Variants in MMP20 observed in about 807,000 individuals in gnomAD.
The protein encoded by MMP20 is matrix metalloproteinase-20.
Under a neutral mutation model 51.8 loss-of-function variants are expected in MMP20, and 50 were observed. The ratio of observed to expected loss-of-function variants is 0.97; its 90% CI spans 0.77 to 1.22. The LOEUF (loss-of-function observed/expected upper bound fraction) is 1.22, where lower values mean the gene tolerates loss of function less well. Among genes scored for constraint, MMP20 ranks in the 50% most tolerant of loss-of-function variants. The pLI is 0.00. For synonymous variants in MMP20, 244 were observed against 216.2 expected, an observed-to-expected ratio of 1.13 and a Z score of -1.13; for missense variants, 663 against 601.4, an observed-to-expected ratio of 1.10 and a Z score of -1.07.
chr11:102,608,603 G>A (rs1216683953), intron 5 of MMP20, among the ~76,000 whole-genome samples: 3 of 152,144 alleles, frequency 2.0e-5, no homozygotes, highest in Admixed American at 6.5e-5. Flanking sequence ...ATCTGCAAAT[G>A]GGTAAGCACC....
intron 8 of MMP20, among the ~76,000 whole-genome samples, chr11:102,593,062 A>G (rs1269366332): frequency 6.6e-6 from 1 of 152,196 alleles, no homozygotes; most frequent in African/African-American, 2.4e-5. Context: ...GCCCCAAATC[A>G]TGGAGTATTG....
intron 5 of MMP20, chr11:102,608,042 G>C (rs1030119927): frequency 1.3e-5 from 2 of 152,168 alleles, no homozygotes; most frequent in Non-Finnish European, 2.9e-5. Flanking sequence ...TTTGAATGGT[G>C]TGCCCATTTC....
chr11:102,589,146 A>G lies in MMP20; in HGVS notation c.1247+4293T>C, dbSNP rs553587164. On this transcript the variant is annotated intron_variant, in intron 8 of 9. Coordinates refer to ENST00000260228, the MANE Select transcript of MMP20 (RefSeq NM_004771.4). ...TGGGCCATCGTTCTGATTTTAGTCT[A>G]TATTCTAGTCATACTGAACTGTTTG... Among the ~76,000 whole-genome samples the G allele has an allele frequency of 4.6e-5, 7 of 152,208 alleles. No individual in the cohort carries two copies. The South Asian group carries it at 1.0e-3, about 23-fold the overall frequency.
intron 1 of MMP20, among the ~76,000 whole-genome samples, chr11:102,620,898 G>T (rs927856695): frequency 2.0e-4 from 31 of 152,208 alleles, no homozygotes; most frequent in Non-Finnish European, 4.6e-4. Flanking sequence ...TCCTCAGGGA[G>T]GGGGTGAGGG....
chr11:102,587,004 G>A (rs1350665843), intron 8 of MMP20, among the ~76,000 whole-genome samples: 3 of 151,882 alleles, frequency 2.0e-5, no homozygotes, highest in Admixed American at 6.6e-5. Flanking sequence ...GGTTTAATAT[G>A]TTCTTGATTT....
At chr11:102,593,672 G>A (rs1784269759) in intron 7 of MMP20, 77 bp from the exon 8 acceptor site, 3 of 1,520,506 alleles carry the variant, frequency 2.0e-6, no homozygotes, top group Admixed American at 1.7e-5. Flanking sequence ...TTTCTATGAA[G>A]GCTCTTAAAT....
chr11:102,598,060 C>T (rs2135935942), intron 6 of MMP20, among the ~76,000 whole-genome samples: 1 of 152,240 alleles, frequency 6.6e-6, no homozygotes, highest in East Asian at 1.9e-4. Flanking sequence ...GACACCATGC[C>T]TGGCCAAATT....
At chr11:102,623,150 T>A (rs2701964) in intron 1 of MMP20, among the ~76,000 whole-genome samples, 98,384 of 152,030 alleles carry the variant, frequency 0.65, 32,000 homozygotes, top group East Asian at 0.83. Context: ...AAGGAATCAC[T>A]AAAGGTCCCC....
At chr11:102,595,766 A>T (rs1859373771) in intron 6 of MMP20, among the ~76,000 whole-genome samples, 1 of 152,208 alleles carries the variant, frequency 6.6e-6, no homozygotes, top group African/African-American at 2.4e-5. Context: ...TATACCCATG[A>T]GGGTACTGGA....
chr11:102,610,656 A>C (rs545300765), intron 3 of MMP20, among the ~76,000 whole-genome samples: 1 of 152,218 alleles, frequency 6.6e-6, no homozygotes, highest in South Asian at 2.1e-4. Context: ...TATTTTAACT[A>C]ACAATTCATT....
intron 8 of MMP20, among the ~76,000 whole-genome samples, chr11:102,580,975 AT>A (rs1859185854): frequency 6.6e-6 from 1 of 152,172 alleles, no homozygotes; most frequent in African/African-American, 2.4e-5. Flanking sequence ...GTGGACAGAT[AT>A]TTAAGGATTT....
At chr11:102,598,595 C>T (rs1859410182) in intron 6 of MMP20, among the ~76,000 whole-genome samples, 1 of 152,186 alleles carries the variant, frequency 6.6e-6, no homozygotes, top group South Asian at 2.1e-4. Context: ...TTCACTTTTA[C>T]CAAAGAACAG....
chr11:102,614,087 G>A (rs1859637308), intron 2 of MMP20, among the ~76,000 whole-genome samples: 2 of 152,200 alleles, frequency 1.3e-5, no homozygotes, highest in Admixed American at 6.5e-5. Context: ...TGCTGTTGCT[G>A]TATGCACTTT....
chr11:102,590,692 A>AG (rs1859307138), intron 8 of MMP20, among the ~76,000 whole-genome samples: 1 of 152,226 alleles, frequency 6.6e-6, no homozygotes, highest in Non-Finnish European at 1.5e-5. Context: ...ACACACTTTC[A>AG]GTGGATGTCA....
chr11:102,593,444 G>T lies in MMP20; in HGVS notation c.1242C>A (p.Tyr414Ter), dbSNP rs1219772898. Residue 414 changes from tyrosine to a stop codon, truncating the protein, a stop_gained, in exon 8 of 10, where the codon TAC becomes TAA. Coordinates refer to ENST00000260228, the MANE Select transcript of MMP20 (RefSeq NM_004771.4). LOFTEE classifies it high-confidence loss of function. ...QKTLFFVGDE[Y>*]YSYDERKRKM... is the part of the protein sequence containing the mutation. Reference sequence around the variant, plus strand: ...AAAAAGGAAAAAAGCCATACCTGTAGTATTCATCTCCCACAAAGAAAAGGG... The same window carrying T: ...AAAAAGGAAAAAAGCCATACCTGTATTATTCATCTCCCACAAAGAAAAGGG... 1.2e-6 allele frequency: 2 copies of T among 1,613,822 alleles called. No individual in the cohort carries two copies. Among genetic ancestry groups the T allele is most frequent in the Non-Finnish European group, 1.7e-6 (2 of 1,179,840 alleles).
At position 102,597,114 on chromosome 11, in the gene MMP20, T is replaced by C. The variant is rs143306808; in HGVS notation, c.954-2357A>G. Among the ~76,000 whole-genome samples, 747 of 152,302 alleles carry C rather than the reference T, an allele frequency of 4.9e-3. 3 individuals carry two copies. The highest frequency in any genetic ancestry group is 0.017 in the African/African-American group (700 of 41,560). ...GAAAGTGGGGAGGTAGAGGAGCAGA[T>C]ATGTCTTCCCAAAACTAGGCTCTGT... On this transcript the variant is annotated intron_variant, in intron 6 of 9. Transcript: ENST00000260228.
intron 6 of MMP20, among the ~76,000 whole-genome samples, chr11:102,601,122 A>ATTTTTTTTTT (rs1193022328): frequency 2.7e-5 from 1 of 36,986 alleles, no homozygotes. Flanking sequence ...AGTGTCGGCT[A>ATTTTTTTTTT]TTCTTTTTTT....
At chr11:102,611,573 A>C (rs17099000) in intron 3 of MMP20, among the ~76,000 whole-genome samples, 182 bp downstream of exon 3, 183 of 152,338 alleles carry the variant, frequency 1.2e-3, no homozygotes, top group Non-Finnish European at 2.2e-3. Flanking sequence ...ACATGCTAAG[A>C]ACTCCTTTGG....
chr11:102,605,103 C>T (rs1464074813), intron 6 of MMP20: 1 of 152,124 alleles, frequency 6.6e-6, no homozygotes, highest in Non-Finnish European at 1.5e-5. Flanking sequence ...GGGTGGGGGC[C>T]CCATGATGGG....
Sources: gnomAD v4.1 joint callset for allele counts (sites outside exome capture counted in the v4.1 genomes callset) on GRCh38, gnomAD v4.1.1 for gene constraint, MANE v1.5 for transcripts, NCBI Gene and HGNC (gene_info 2026-07-23, HGNC 2026-07-21) for gene names.